COPS4: variants seen among roughly 807,000 people sequenced by gnomAD.
The protein encoded by COPS4 is COP9 signalosome subunit 4.
In COPS4, 8 loss-of-function variants were observed where a neutral mutation model predicts 55.1. That is an observed-to-expected ratio of 0.15 (90% confidence interval 0.09 to 0.26). COPS4 has a LOEUF of 0.26. COPS4 is among the 10% of genes least tolerant of loss of function. COPS4 has a pLI of 1.00. For missense variants in COPS4, 248 were observed against 484.0 expected (o/e 0.51, Z 4.58); for synonymous variants, 185 against 165.7 (o/e 1.12, Z -0.90).
chr4:83,065,956 G>A (rs1731282155), intron 7 of COPS4, among the ~76,000 whole-genome samples: 3 of 152,216 alleles, frequency 2.0e-5, no homozygotes, highest in Admixed American at 1.3e-4. Flanking sequence ...GGTGAGAACT[G>A]CCTGGCCAAC....
chr4:83,060,179 TATAGTTC>T, intron 6 of COPS4, among the ~76,000 whole-genome samples: 1 of 143,638 alleles, frequency 7.0e-6, no homozygotes, highest in Non-Finnish European at 1.5e-5. Flanking sequence ...TGACAGATGG[TATAGTTC>T]TTTTTTTTTT....
chr4:83,041,220 G>A (rs912474173), intron 1 of COPS4, among the ~76,000 whole-genome samples: 8 of 151,342 alleles, frequency 5.3e-5, no homozygotes, highest in African/African-American at 1.7e-4. Flanking sequence ...ACGCCACCAC[G>A]CCCGGCTAAT....
At chr4:83,050,999 C>T (rs563306402) in intron 4 of COPS4, among the ~76,000 whole-genome samples, 32 of 151,548 alleles carry the variant, frequency 2.1e-4, no homozygotes, top group African/African-American at 7.8e-4. Flanking sequence ...TGGCTCACAC[C>T]TATGGTCCAA....
chr4:83,038,636 GTTTGTTTGT>G (rs1217357053), intron 1 of COPS4, among the ~76,000 whole-genome samples: 3 of 150,432 alleles, frequency 2.0e-5, no homozygotes, highest in Non-Finnish European at 3.0e-5. Context: ...TTTTTTGTTT[GTTTGTTTGT>G]TTTGTTTTGT....
intron 4 of COPS4, among the ~76,000 whole-genome samples, chr4:83,056,091 C>G (rs10028177): frequency 6.6e-6 from 1 of 151,718 alleles, no homozygotes; most frequent in African/African-American, 2.4e-5. Flanking sequence ...CAACCATGCC[C>G]GGCTAATTTT....
chr4:83,074,461 GT>G (rs66793416), intron 9 of COPS4, among the ~76,000 whole-genome samples: 27,393 of 130,642 alleles, frequency 0.21, 2,224 homozygotes, highest in African/African-American at 0.32. Flanking sequence ...TTTTTTAGAG[GT>G]TTTTTTTTTT....
chr4:83,063,820 C>T (rs1339370493), intron 7 of COPS4, among the ~76,000 whole-genome samples: 1 of 152,098 alleles, frequency 6.6e-6, no homozygotes, highest in African/African-American at 2.4e-5. Context: ...AGTGATTCTC[C>T]TACTTCAGCC....
At chr4:83,060,268 C>T (rs2126132476) in intron 6 of COPS4, among the ~76,000 whole-genome samples, 1 of 150,610 alleles carries the variant, frequency 6.6e-6, no homozygotes, top group Non-Finnish European at 1.5e-5. Context: ...ACTGCAAGCT[C>T]CGCCTCCTGG....
rs764888882 is a variant in COPS4 at position 83,049,240 on chromosome 4, C to T, written c.229C>T (p.Pro77Ser). The T allele has an allele frequency of 2.5e-6, 4 of 1,611,694 alleles. No individual in the cohort carries two copies. The South Asian group carries it at 4.4e-5, about 18-fold the overall frequency. Residue 77 changes from proline (P) to serine (S), a missense_variant, in exon 3 of 10, where the codon CCT (proline) becomes TCT (serine). Around this residue, in one of 4 missense-constraint regions of COPS4, gnomAD observed 155 missense variants for 326.6 expected, o/e 0.47. Transcript: ENST00000264389. ...TTTTTGCACACATCTTCCTAACTTG[C>T]CTGATAGCACAGCCAAAGAAATCTA... ...TDFCTHLPNL[P>S]DSTAKEIYHF...
rs1460073292 is a variant in COPS4, at chr4:83,075,420, T to C, written c.1211T>C (p.Met404Thr). Residue 404 changes from methionine to threonine, a missense_variant, in exon 10 of 10, where the codon ATG becomes ACG. By Grantham distance (81) the Met-to-Thr change is moderately conservative. Transcript: ENST00000264389. ...ACAGCACAAGCCATGGAAGCCCAGA[T>C]GGCTCAGTGAATCCTTGCAGAACTT... Reference protein sequence around the residue: ...EWTAQAMEAQMAQ With the variant: ...EWTAQAMEAQTAQ 1 of 1,614,102 alleles carries C rather than the reference T, an allele frequency of 6.2e-7. No individual in the cohort carries two copies. The highest frequency in any genetic ancestry group is 1.1e-5 in the South Asian group (1 of 91,026).
At chr4:83,038,912 G>A (rs368053273) in intron 1 of COPS4, among the ~76,000 whole-genome samples, 21 of 152,164 alleles carry the variant, frequency 1.4e-4, no homozygotes, top group Admixed American at 9.2e-4. Context: ...CAAAGTGCTG[G>A]GATTACAGGC....
intron 6 of COPS4, among the ~76,000 whole-genome samples, chr4:83,062,114 T>A (rs1216935285): frequency 3.9e-5 from 6 of 152,208 alleles, no homozygotes; most frequent in African/African-American, 1.4e-4. Context: ...TTCATGAGTT[T>A]GATTTTTTTA....
At chr4:83,061,161 A>G (rs1731157115) in intron 6 of COPS4, among the ~76,000 whole-genome samples, 1 of 146,136 alleles carries the variant, frequency 6.8e-6, no homozygotes, top group African/African-American at 2.5e-5. Context: ...TTGTACTTTT[A>G]TTTTGAACTT....
chr4:83,061,490 G>T (rs1731163483), intron 6 of COPS4, among the ~76,000 whole-genome samples: 1 of 152,072 alleles, frequency 6.6e-6, no homozygotes, highest in South Asian at 2.1e-4. Flanking sequence ...TTATGGCTAT[G>T]TGTATTTGTA....
At chr4:83,054,913 A>G (rs1034324808) in intron 4 of COPS4, among the ~76,000 whole-genome samples, 4 of 152,248 alleles carry the variant, frequency 2.6e-5, no homozygotes, top group African/African-American at 9.6e-5. Context: ...AAAGTAATCG[A>G]TATAATAGTT....
At chr4:83,067,134 C>T (rs1273341306) in intron 8 of COPS4, among the ~76,000 whole-genome samples, 1 of 151,940 alleles carries the variant, frequency 6.6e-6, no homozygotes, top group East Asian at 1.9e-4. Context: ...GTAGCGTGAT[C>T]ATAGCTTACT....
intron 4 of COPS4, among the ~76,000 whole-genome samples, chr4:83,055,576 T>C (rs2126131214): frequency 6.6e-6 from 1 of 152,124 alleles, no homozygotes; most frequent in South Asian, 2.1e-4. Flanking sequence ...CCCTAGTAGC[T>C]GGGACTGCAG....
chr4:83,047,661 T>C (rs1730753699), intron 2 of COPS4, among the ~76,000 whole-genome samples: 1 of 152,184 alleles, frequency 6.6e-6, no homozygotes, highest in Admixed American at 6.5e-5. Flanking sequence ...TTACATCAAC[T>C]GAACAGTTTT....
intron 9 of COPS4, among the ~76,000 whole-genome samples, chr4:83,074,229 G>C (rs1306080657): frequency 2.0e-5 from 3 of 152,224 alleles, no homozygotes; most frequent in Middle Eastern, 3.4e-3. Context: ...GCAAGCCTTG[G>C]TGATGAAAAG....
Sources: allele counts gnomAD v4.1 joint callset (sites outside exome capture counted in the v4.1 genomes callset), GRCh38; gene constraint gnomAD v4.1.1; regional missense constraint gnomAD v4.1.1; transcripts MANE v1.5; gene names NCBI Gene and HGNC (gene_info 2026-07-23, HGNC 2026-07-21).